The following CEP164 variants were observed in gnomAD, a reference collection of about 807,000 sequenced individuals.
CEP164 encodes the protein centrosomal protein 164.
Under a neutral mutation model 182.7 loss-of-function variants are expected in CEP164, and 162 were observed. The ratio of observed to expected loss-of-function variants is 0.89; its 90% CI spans 0.78 to 1.01. The LOEUF (loss-of-function observed/expected upper bound fraction) is 1.01. CEP164 is among the 50% of genes least tolerant of loss of function. The probability of loss-of-function intolerance (pLI) is 0.00; values close to 1 mark genes in which losing one functional copy is unlikely to be tolerated. For missense variants in CEP164, 1,735 were observed against 1,790.4 expected, an observed-to-expected ratio of 0.97 and a Z score of 0.56; for synonymous variants, 661 against 690.0, an observed-to-expected ratio of 0.96 and a Z score of 0.66.
chr11:117,333,269 C>T (rs2036507686), intron 1 of CEP164, among the ~76,000 whole-genome samples: 1 of 152,110 alleles, frequency 6.6e-6, no homozygotes, highest in African/African-American at 2.4e-5. Context: ...GCTTTAGCCT[C>T]CCAAAGCCCT....
intron 8 of CEP164, among the ~76,000 whole-genome samples, chr11:117,368,560 G>C (rs2135847288): frequency 6.6e-6 from 1 of 152,238 alleles, no homozygotes; most frequent in Non-Finnish European, 1.5e-5. Flanking sequence ...TTCAAGCCGG[G>C]GGGAGCCTTT....
intron 17 of CEP164, among the ~76,000 whole-genome samples, chr11:117,391,612 C>T (rs919885188): frequency 1.3e-5 from 2 of 152,134 alleles, no homozygotes; most frequent in African/African-American, 4.8e-5. Context: ...CGCTCTGTCC[C>T]TCACTGTCTC....
At position 117,395,727 on chromosome 11, in the gene CEP164, C is replaced by T. The variant is rs199573069; in HGVS notation, c.3089+5C>T. The T allele has an allele frequency of 2.6e-5, 41 of 1,604,488 alleles. No homozygotes were observed. The highest frequency in any genetic ancestry group is 2.9e-5 in the Non-Finnish European group (34 of 1,175,966). On this transcript the variant is annotated splice_donor_5th_base_variant and intron_variant, in intron 24 of 32. Transcript: ENST00000278935. ...GCAACTGCAGAAACACTTCAGGTGG[C>T]GTGGGCACCCTGCACTTAGCCCTGC... is the stretch of plus-strand genomic sequence containing the variant.
intron 1 of CEP164, among the ~76,000 whole-genome samples, chr11:117,334,862 C>T (rs2036813758): frequency 6.6e-6 from 1 of 151,308 alleles, no homozygotes; most frequent in Non-Finnish European, 1.5e-5. Context: ...TGGACAGAGA[C>T]TACCTGTCCT....
chr11:117,355,590 A>T (rs2040211576), intron 5 of CEP164: 1 of 1,206,960 alleles, frequency 8.3e-7, no homozygotes, highest in East Asian at 5.8e-5. Context: ...TCTTCCGGCC[A>T]CATGTTGCCT....
chr11:117,341,451 GTTTT>G (rs545151196), intron 3 of CEP164, among the ~76,000 whole-genome samples: 21 of 147,176 alleles, frequency 1.4e-4, no homozygotes, highest in Admixed American at 1.4e-3. Context: ...TTGTTTGTTT[GTTTT>G]TTTTTTGAGA....
At chr11:117,329,260 C>T (rs1241080725) in intron 1 of CEP164, among the ~76,000 whole-genome samples, 1 of 152,166 alleles carries the variant, frequency 6.6e-6, no homozygotes, top group Non-Finnish European at 1.5e-5. Flanking sequence ...CTATTCTTGG[C>T]TAGAATCGTC....
chr11:117,357,311 G>A (rs528172177), intron 5 of CEP164, among the ~76,000 whole-genome samples: 60 of 151,974 alleles, frequency 3.9e-4, no homozygotes, highest in Non-Finnish European at 6.6e-4. Context: ...GTTTTGCCAT[G>A]TTGGCCAGGC....
At chr11:117,406,371 TCATGATTCAGATTA>T (rs2046675540) in intron 27 of CEP164, among the ~76,000 whole-genome samples, 2 of 152,182 alleles carry the variant, frequency 1.3e-5, no homozygotes, top group African/African-American at 4.8e-5. Context: ...GAAATGGCCC[TCATGATTCAGATTA>T]TTTCCCTTCA....
intron 8 of CEP164, among the ~76,000 whole-genome samples, chr11:117,368,367 G>A (rs2041869348): frequency 6.6e-6 from 1 of 152,158 alleles, no homozygotes; most frequent in Non-Finnish European, 1.5e-5. Context: ...GTGTCTGAGG[G>A]TTTGCCTGGA....
At chr11:117,382,700 G>C (rs895850713) in intron 13 of CEP164, 96 bp from the exon 14 acceptor site, 1 of 1,430,852 alleles carries the variant, frequency 7.0e-7, no homozygotes, top group Non-Finnish European at 9.5e-7. Flanking sequence ...TGTCTCTCTT[G>C]TCTCTGTCAT....
chr11:117,397,826 C>T (rs957141755), intron 27 of CEP164, among the ~76,000 whole-genome samples: 2 of 152,256 alleles, frequency 1.3e-5, no homozygotes, highest in African/African-American at 4.8e-5. Context: ...TATGGGAGTA[C>T]AATTCAAGAT....
intron 27 of CEP164, among the ~76,000 whole-genome samples, chr11:117,399,721 T>C (rs2045925297): frequency 6.6e-6 from 1 of 152,204 alleles, no homozygotes; most frequent in African/African-American, 2.4e-5. Context: ...TGATTTGCAG[T>C]TCTCTAATGA....
chr11:117,353,030 A>T (rs1456548671), intron 5 of CEP164, among the ~76,000 whole-genome samples: 1 of 152,138 alleles, frequency 6.6e-6, no homozygotes, highest in Non-Finnish European at 1.5e-5. Flanking sequence ...TAAGACCTGG[A>T]GCCATACCAA....
intron 27 of CEP164, among the ~76,000 whole-genome samples, chr11:117,404,095 A>G (rs2046423702): frequency 6.6e-6 from 1 of 152,060 alleles, no homozygotes; most frequent in South Asian, 2.1e-4. Context: ...ATTGGGTTAG[A>G]ACATGCACCT....
rs552885340 is a variant in CEP164, at chr11:117,393,026, A to G, written c.2516A>G (p.Lys839Arg). The G allele has an allele frequency of 6.2e-7, 1 of 1,613,514 alleles. No individual in the cohort carries two copies. Among genetic ancestry groups the G allele is most frequent in the Admixed American group, 1.7e-5 (1 of 60,006 alleles). ...EHELSSLLRE[K>R]RQEVEGEHER... is the part of the protein sequence containing the mutation. ...CAGCTCAGCAGTCTCCTGCGAGAGAAGCGCCAGGAAGTGGAAGGGGAGCAT... is the reference window on the plus strand; with the variant it reads ...CAGCTCAGCAGTCTCCTGCGAGAGAGGCGCCAGGAAGTGGAAGGGGAGCAT... The change falls in exon 20 of 33, where the codon AAG (lysine) becomes AGG (arginine). Residue 839 changes from lysine (K) to arginine (R), a missense_variant. By Grantham distance (26) the Lys-to-Arg change is conservative. Transcript: ENST00000278935.
At chr11:117,327,317 G>T (rs934573274), upstream of CEP164, among the ~76,000 whole-genome samples, 1 of 152,058 alleles carries the variant, frequency 6.6e-6, no homozygotes, top group African/African-American at 2.4e-5. Flanking sequence ...GATTATTGAT[G>T]ACCACTGTAT....
chr11:117,380,887 G>C (rs775107607), intron 12 of CEP164, among the ~76,000 whole-genome samples, 182 bp downstream of exon 12: 1 of 152,228 alleles, frequency 6.6e-6, no homozygotes, highest in Non-Finnish European at 1.5e-5. Context: ...GTGTGTGCAC[G>C]TGTGTGTACT....
chr11:117,355,381 T>C (rs2040191735), intron 5 of CEP164: 1 of 1,289,614 alleles, frequency 7.8e-7, no homozygotes, highest in South Asian at 1.2e-5. Flanking sequence ...TTCTCCAAAA[T>C]ATGCAGGATG....
Sources: gnomAD v4.1 joint callset for allele counts (sites outside exome capture counted in the v4.1 genomes callset) on GRCh38, gnomAD v4.1.1 for gene constraint, MANE v1.5 for transcripts, NCBI Gene and HGNC (gene_info 2026-07-23, HGNC 2026-07-21) for gene names.